CLCN5: variants seen among roughly 807,000 people sequenced by gnomAD.
CLCN5 encodes Cl-/H+ antiporter 5.
In CLCN5, 17 loss-of-function variants were observed where a neutral mutation model predicts 54.0. The ratio of observed to expected loss-of-function variants is 0.31; its 90% CI spans 0.22 to 0.47. The LOEUF is 0.47. Among genes scored for constraint, CLCN5 ranks in the 20% least tolerant of loss-of-function variants. The pLI is 1.00. For missense variants in CLCN5, 448 were observed against 646.7 expected, an observed-to-expected ratio of 0.69 and a Z score of 3.33; for synonymous variants, 222 against 233.0, an observed-to-expected ratio of 0.95 and a Z score of 0.43.
At chrX:50,016,928 AT>A (rs1384410826) in intron 3 of CLCN5, among the ~76,000 whole-genome samples, 1 of 109,469 alleles carries the variant, frequency 9.1e-6, no homozygotes, top group Non-Finnish European at 1.9e-5. Flanking sequence ...CTTTTCTTTC[AT>A]TTTTTTCCCC....
intron 3 of CLCN5, among the ~76,000 whole-genome samples, chrX:50,032,335 A>G (rs1931747423): frequency 9.0e-6 from 1 of 111,491 alleles, no homozygotes; most frequent in Non-Finnish European, 1.9e-5. Flanking sequence ...CAGTCCCACC[A>G]ACAGTGAAAA....
chrX:50,042,333 G>A lies in CLCN5; in HGVS notation c.34G>A (p.Gly12Ser). 8.5e-7 allele frequency: 1 copy of A among 1,170,022 alleles called. No homozygotes were observed. Among genetic ancestry groups the A allele is most frequent in the African/African-American group, 1.8e-5 (1 of 56,359 alleles). ...CTGCACAGGTGCCATGGATAACAGA[G>A]GCTTTCAGCAGGGGAGTTTTAGTAG... ...AMWQGAMDNR[G>S]FQQGSFSSFQ... Residue 12 changes from glycine (G) to serine (S), a missense_variant, in exon 4 of 15, where the codon GGC becomes AGC. By Grantham distance (56) the Gly-to-Ser change is moderately conservative (BLOSUM62 0). Transcript: ENST00000376091.
intron 3 of CLCN5, among the ~76,000 whole-genome samples, chrX:49,996,039 C>A (rs1294286313): frequency 2.7e-5 from 3 of 112,083 alleles, no homozygotes; most frequent in African/African-American, 9.7e-5. Flanking sequence ...TGGCCTAAGC[C>A]ATTATCTATC....
chrX:49,930,594 C>T lies in CLCN5; in HGVS notation c.16+5280C>T, dbSNP rs183315949. Among the ~76,000 whole-genome samples, 84 of 111,046 alleles carry T rather than the reference C, an allele frequency of 7.6e-4. 2 individuals carry two copies. The highest frequency in any genetic ancestry group is 5.7e-3 in the East Asian group (20 of 3,534). On this transcript the variant is annotated intron_variant, in intron 3 of 14. Coordinates refer to ENST00000376091, the MANE Select transcript of CLCN5 (RefSeq NM_001127898.4). ...TGGGGGAGCAGGGAAAAGCAGATTC[C>T]GAACTGTTGATACAGTCATCCCTCC...
At chrX:49,927,543 A>G in intron 3 of CLCN5, among the ~76,000 whole-genome samples, 1 of 112,355 alleles carries the variant, frequency 8.9e-6, no homozygotes, top group East Asian at 2.8e-4. Context: ...GTTCTACTCC[A>G]TTGGTTCTGT....
chrX:49,983,376 A>G (rs1164933261), intron 3 of CLCN5, among the ~76,000 whole-genome samples: 1 of 111,219 alleles, frequency 9.0e-6, no homozygotes, highest in Non-Finnish European at 1.9e-5. Context: ...ATGGTACTTC[A>G]TACTCATTTA....
At position 50,094,366 on chromosome X, in the gene CLCN5, A is replaced by G. The variant is rs1334168133; in HGVS notation, c.*2147A>G. The G allele has an allele frequency of 9.0e-6, 1 of 111,601 alleles. No homozygotes were observed. Among genetic ancestry groups the G allele is most frequent in the Non-Finnish European group, 1.9e-5 (1 of 53,154 alleles). 9.2% of individuals were successfully genotyped at this position (111,601 alleles called of 1,213,427 possible). On this transcript the variant is annotated 3_prime_UTR_variant, in exon 15 of 15. Coordinates refer to ENST00000376091, the MANE Select transcript of CLCN5 (RefSeq NM_001127898.4). ...AGACTATTTGGCTTGACTACCCTGT[A>G]TATTGTGTAGAAATCAAAGTTCTTA...
intron 3 of CLCN5, among the ~76,000 whole-genome samples, chrX:50,033,231 C>T (rs1387423716): frequency 9.0e-6 from 1 of 110,842 alleles, no homozygotes; most frequent in Non-Finnish European, 1.9e-5. Context: ...TCAAATTGTC[C>T]CTGTTTGCAG....
chrX:49,952,152 G>T (rs1927069395), intron 3 of CLCN5, among the ~76,000 whole-genome samples: 1 of 111,447 alleles, frequency 9.0e-6, no homozygotes, highest in African/African-American at 3.3e-5. Context: ...AATAATTGTA[G>T]CTCCTACCAT....
At chrX:50,010,242 TTTC>T (rs1852594540) in intron 3 of CLCN5, among the ~76,000 whole-genome samples, 1 of 109,947 alleles carries the variant, frequency 9.1e-6, no homozygotes, top group African/African-American at 3.3e-5. Context: ...TCTTCTCTCT[TTTC>T]TTTTCTTTCT....
At chrX:50,080,146 C>G (rs781974365) in intron 7 of CLCN5, among the ~76,000 whole-genome samples, 1 of 111,113 alleles carries the variant, frequency 9.0e-6, no homozygotes, top group East Asian at 2.8e-4. Context: ...GGTAAGTAGC[C>G]AAAGGTGAAT....
intron 3 of CLCN5, among the ~76,000 whole-genome samples, chrX:49,990,918 C>T (rs1336354228): frequency 3.6e-5 from 4 of 112,570 alleles, no homozygotes; most frequent in Non-Finnish European, 7.5e-5. Context: ...TATTCCATGG[C>T]ATATATGTAT....
At chrX:49,983,570 G>GCCTTCCTTTTTGCCTTCCTCTTTGCCT (rs1557177960) in intron 3 of CLCN5, among the ~76,000 whole-genome samples, 3 of 108,993 alleles carry the variant, frequency 2.8e-5, no homozygotes, top group Non-Finnish European at 5.7e-5. Flanking sequence ...CTAACCTGTT[G>GCCTTCCTTTTTGCCTTCCTCTTTGCCT]TCCTCTTTGC....
chrX:50,058,230 T>C (rs1557189351), intron 4 of CLCN5, among the ~76,000 whole-genome samples: 1 of 111,652 alleles, frequency 9.0e-6, no homozygotes, highest in Non-Finnish European at 1.9e-5. Context: ...TGTTGCCAAT[T>C]AGTGAGCCCT....
chrX:49,932,802 A>G (rs889355294), intron 3 of CLCN5, among the ~76,000 whole-genome samples: 1 of 112,689 alleles, frequency 8.9e-6, no homozygotes, highest in Non-Finnish European at 1.9e-5. Flanking sequence ...AAAATAAGGC[A>G]GAGGAAAATC....
intron 3 of CLCN5, among the ~76,000 whole-genome samples, chrX:49,951,253 C>T (rs73490030): frequency 0.016 from 1,759 of 112,022 alleles, 31 homozygotes; most frequent in African/African-American, 0.053. Flanking sequence ...GGTGATATCT[C>T]ATCCTTATAT....
At chrX:50,066,341 G>A (rs1465087186) in intron 4 of CLCN5, among the ~76,000 whole-genome samples, 1 of 111,394 alleles carries the variant, frequency 9.0e-6, no homozygotes, top group African/African-American at 3.3e-5. Flanking sequence ...AGTTCATCAA[G>A]TGAGTGAGAT....
chrX:50,041,285 G>T (rs782717748), intron 3 of CLCN5, among the ~76,000 whole-genome samples: 2 of 111,681 alleles, frequency 1.8e-5, no homozygotes, highest in Non-Finnish European at 3.8e-5. Flanking sequence ...ACTTTTCTGG[G>T]TATGATTTTT....
chrX:49,939,583 A>G (rs1557170358), intron 3 of CLCN5, among the ~76,000 whole-genome samples: 2 of 110,919 alleles, frequency 1.8e-5, no homozygotes, highest in African/African-American at 6.6e-5. Flanking sequence ...GTGAGAATTG[A>G]ACAATGAGAA....
Sources: allele counts gnomAD v4.1 joint callset (sites outside exome capture counted in the v4.1 genomes callset), GRCh38; gene constraint gnomAD v4.1.1; transcripts MANE v1.5; gene names NCBI Gene and HGNC (gene_info 2026-07-23, HGNC 2026-07-21).